The following SDK1 variants were observed in gnomAD, a reference collection of about 807,000 sequenced individuals.
The protein encoded by SDK1 is protein sidekick-1.
In SDK1, 157 loss-of-function variants were observed where a neutral mutation model predicts 245.5. The observed-to-expected ratio is 0.64, with a 90% confidence interval of 0.56 to 0.73. SDK1 has a LOEUF of 0.73. Ranked by LOEUF, SDK1 falls within the 30% of genes least tolerant of loss-of-function variation. The pLI, the probability that SDK1 is intolerant of heterozygous loss-of-function variation, is 0.00. For missense variants in SDK1, 3,583 were observed against 3,002.3 expected, an observed-to-expected ratio of 1.19 and a Z score of -4.52; for synonymous variants, 1,647 against 1,278.5, an observed-to-expected ratio of 1.29 and a Z score of -6.15.
intron 4 of SDK1, among the ~76,000 whole-genome samples, chr7:3,766,956 A>G (rs1026262529): frequency 6.6e-6 from 1 of 152,230 alleles, no homozygotes; most frequent in African/African-American, 2.4e-5. Flanking sequence ...GCAATGTTAT[A>G]TAGAGCATTG....
At chr7:3,497,534 CA>C (rs1782062660) in intron 1 of SDK1, among the ~76,000 whole-genome samples, 1 of 152,092 alleles carries the variant, frequency 6.6e-6, no homozygotes, top group African/African-American at 2.4e-5. Context: ...TTGCAAATTG[CA>C]ATATAATACC....
intron 25 of SDK1, among the ~76,000 whole-genome samples, chr7:4,118,259 G>A (rs117049837): frequency 0.011 from 1,608 of 152,262 alleles, 11 homozygotes; most frequent in Middle Eastern, 0.024. Context: ...TAAAAACTGG[G>A]CAAAGGATCG....
At chr7:3,817,571 G>T (rs1374755132) in intron 4 of SDK1, among the ~76,000 whole-genome samples, 1 of 152,252 alleles carries the variant, frequency 6.6e-6, no homozygotes, top group South Asian at 2.1e-4. Context: ...CCAGGATTCC[G>T]ACGTCAGTAT....
At position 4,241,850 on chromosome 7, in the gene SDK1, C is replaced by T. The variant is rs1356714145; in HGVS notation, c.6188C>T (p.Ala2063Val). Residue 2063 changes from alanine (A) to valine (V), a missense_variant, in exon 43 of 45, where the codon GCC becomes GTC. Ala to Val is a moderately conservative substitution (Grantham distance 64, BLOSUM62 0). Coordinates refer to ENST00000404826, the MANE Select transcript of SDK1 (RefSeq NM_152744.4). Reference sequence around the variant, plus strand: ...ACCCTGGACAACGGAGGATTTGCTGCCCTGGAGCTCAGCAGCCGCCACCTC... The same window carrying T: ...ACCCTGGACAACGGAGGATTTGCTGTCCTGGAGCTCAGCAGCCGCCACCTC... Reference protein sequence around the residue: ...SVTLDNGGFAALELSSRHLNV... With the variant: ...SVTLDNGGFAVLELSSRHLNV... The T allele has an allele frequency of 3.7e-6, 6 of 1,613,932 alleles. No individual in the cohort carries two copies. Among genetic ancestry groups the T allele is most frequent in the Admixed American group, 1.7e-5 (1 of 60,000 alleles).
intron 1 of SDK1, among the ~76,000 whole-genome samples, chr7:3,567,552 G>C (rs953666488): frequency 6.6e-6 from 1 of 152,212 alleles, no homozygotes; most frequent in Non-Finnish European, 1.5e-5. Context: ...GGTAAATGAG[G>C]TACATGCTAG....
At chr7:3,371,671 C>G (rs746875268) in intron 1 of SDK1, among the ~76,000 whole-genome samples, 5 of 152,286 alleles carry the variant, frequency 3.3e-5, no homozygotes, top group East Asian at 1.9e-4. Context: ...AACTTGGACA[C>G]TCTCAGGATG....
chr7:3,437,346 A>G (rs1780058520), intron 1 of SDK1, among the ~76,000 whole-genome samples: 1 of 152,228 alleles, frequency 6.6e-6, no homozygotes, highest in Admixed American at 6.5e-5. Flanking sequence ...TAAGGACAAA[A>G]TGCGAGTTTC....
At chr7:3,624,645 A>G (rs1396540079) in intron 2 of SDK1, among the ~76,000 whole-genome samples, 2 of 152,092 alleles carry the variant, frequency 1.3e-5, no homozygotes, top group East Asian at 1.9e-4. Context: ...TTTTTTTTCT[A>G]AAACCCAAGG....
chr7:3,466,460 A>T (rs545948035), intron 1 of SDK1, among the ~76,000 whole-genome samples: 1 of 146,568 alleles, frequency 6.8e-6, no homozygotes, highest in African/African-American at 2.5e-5. Context: ...TTTATCTAGT[A>T]TGCGTCCTAA....
Position 3,554,970 on chromosome 7 carries a change from G to C in SDK1, c.299-64110G>C, listed in dbSNP as rs529016196. ...AATGGAAAGATATTACATGTTTGTAGATTTGAAGAATCAATATTGTTCAAA... is the reference window on the plus strand; with the variant it reads ...AATGGAAAGATATTACATGTTTGTACATTTGAAGAATCAATATTGTTCAAA... On this transcript the variant is annotated intron_variant, in intron 1 of 44. Transcript: ENST00000404826. Among the ~76,000 whole-genome samples, 15 of 152,256 alleles carry C rather than the reference G, an allele frequency of 9.9e-5. No individual in the cohort carries two copies. In the South Asian group the frequency reaches 1.2e-3, roughly 13 times the overall value.
At chr7:4,151,233 G>A (rs994930475) in intron 30 of SDK1, among the ~76,000 whole-genome samples, 39 of 152,242 alleles carry the variant, frequency 2.6e-4, no homozygotes, top group African/African-American at 9.1e-4. Context: ...GACCAGCAAG[G>A]AAGCCAGCGC....
At chr7:4,000,377 G>A (rs1171637207) in intron 14 of SDK1, among the ~76,000 whole-genome samples, 10 of 152,184 alleles carry the variant, frequency 6.6e-5, no homozygotes, top group African/African-American at 2.4e-4. Context: ...GCACGGCTTG[G>A]TTTTGTCAGC....
intron 4 of SDK1, among the ~76,000 whole-genome samples, chr7:3,805,678 T>C (rs1487218512): frequency 6.6e-6 from 1 of 152,236 alleles, no homozygotes; most frequent in Non-Finnish European, 1.5e-5. Flanking sequence ...AATAATTGTT[T>C]GTCAGAAGAG....
intron 1 of SDK1, among the ~76,000 whole-genome samples, chr7:3,398,302 T>A (rs1778779956): frequency 6.6e-6 from 1 of 152,120 alleles, no homozygotes; most frequent in Non-Finnish European, 1.5e-5. Context: ...AGAGCCCTGT[T>A]GATGTAGTGA....
At chr7:4,193,829 G>T (rs1006872379) in intron 35 of SDK1, among the ~76,000 whole-genome samples, 2 of 152,058 alleles carry the variant, frequency 1.3e-5, no homozygotes, top group African/African-American at 4.8e-5. Context: ...TCATCACTTT[G>T]TGCATTGAAC....
intron 5 of SDK1, among the ~76,000 whole-genome samples, chr7:3,823,063 C>T (rs1474197320): frequency 6.6e-6 from 1 of 152,012 alleles, no homozygotes; most frequent in East Asian, 1.9e-4. Flanking sequence ...TGAGTGGGGT[C>T]TTTGTGATGC....
intron 4 of SDK1, among the ~76,000 whole-genome samples, chr7:3,736,535 G>A (rs936284745): frequency 1.1e-4 from 17 of 152,250 alleles, no homozygotes; most frequent in South Asian, 2.1e-4. Context: ...GCCTCCCAAA[G>A]TGCTGGGATT....
chr7:3,831,488 T>C (rs1204702291), intron 5 of SDK1, among the ~76,000 whole-genome samples: 1 of 152,204 alleles, frequency 6.6e-6, no homozygotes, highest in Non-Finnish European at 1.5e-5. Flanking sequence ...TAAATTGTCT[T>C]TTCATATCTC....
chr7:3,523,705 A>C (rs1387965683), intron 1 of SDK1, among the ~76,000 whole-genome samples: 1 of 152,212 alleles, frequency 6.6e-6, no homozygotes, highest in African/African-American at 2.4e-5. Flanking sequence ...CCAGAGCACA[A>C]GAAAAACTTG....
Sources: allele counts gnomAD v4.1 joint callset (sites outside exome capture counted in the v4.1 genomes callset), GRCh38; gene constraint gnomAD v4.1.1; transcripts MANE v1.5; gene names NCBI Gene and HGNC (gene_info 2026-07-23, HGNC 2026-07-21).